The following RILPL1 variants were observed in gnomAD, a reference collection of about 807,000 sequenced individuals.
RILPL1 encodes the protein Rab interacting lysosomal protein like 1.
Under a neutral mutation model 50.3 loss-of-function variants are expected in RILPL1, and 33 were observed. The observed-to-expected ratio is 0.66, with a 90% CI of 0.50 to 0.88. The LOEUF (loss-of-function observed/expected upper bound fraction) is 0.88, where lower values mean the gene tolerates loss of function less well. Among genes scored for constraint, RILPL1 ranks in the 40% least tolerant of loss-of-function variants. The probability of loss-of-function intolerance (pLI) is 0.00; values close to 1 mark genes in which losing one functional copy is unlikely to be tolerated. For missense variants in RILPL1, 418 were observed against 542.5 expected (o/e 0.77, Z 2.28); for synonymous variants, 205 against 228.6 (o/e 0.90, Z 0.93).
intron 4 of RILPL1, among the ~76,000 whole-genome samples, chr12:123,495,823 G>T (rs570024920): frequency 1.3e-5 from 2 of 151,038 alleles, no homozygotes; most frequent in African/African-American, 4.9e-5. Flanking sequence ...TGGGACTACA[G>T]GCGCACACCA....
At chr12:123,532,267 T>C (rs77932402) in intron 1 of RILPL1, among the ~76,000 whole-genome samples, 2,992 of 152,338 alleles carry the variant, frequency 0.02, 118 homozygotes, top group African/African-American at 0.068. Flanking sequence ...TGGCTGAGGT[T>C]AGGGCAGGAA....
chr12:123,517,515 G>A (rs888151700), intron 2 of RILPL1, among the ~76,000 whole-genome samples: 23 of 149,480 alleles, frequency 1.5e-4, no homozygotes, highest in African/African-American at 4.9e-4. Flanking sequence ...TCCGCTTTCC[G>A]GGCTCAAGCA....
chr12:123,500,803 G>A (rs146682737), intron 2 of RILPL1, among the ~76,000 whole-genome samples: 570 of 152,140 alleles, frequency 3.7e-3, no homozygotes, highest in Non-Finnish European at 6.7e-3. Flanking sequence ...ACAGAGAAAG[G>A]TTCTCTAAAA....
Position 123,511,132 on chromosome 12 carries a change from G to A in RILPL1, c.461-11596C>T, listed in dbSNP as rs62648241. Among the ~76,000 whole-genome samples, 44 of 62,188 alleles carry A rather than the reference G, an allele frequency of 7.1e-4. 2 individuals carry two copies. Among genetic ancestry groups the A allele is most frequent in the East Asian group, 2.5e-3 (4 of 1,614 alleles). 40.8% of individuals were successfully genotyped at this position (62,188 alleles called of 152,430 possible). A position where few individuals can be genotyped will look rare whatever the true frequency, so the allele number is the denominator to read the frequency against. The stretch of plus-strand genomic sequence containing the variant: ...TGTGTGTGTGGTGTGTGAGGTCTAT[G>A]TGTGTGTGTGGTGTGTGTGAGGTCT... On this transcript the variant is annotated intron_variant, in intron 2 of 6. Coordinates refer to ENST00000376874, the MANE Select transcript of RILPL1 (RefSeq NM_178314.5).
In RILPL1 at chr12:123,470,938, A is replaced by G. The variant is rs150912639; in HGVS notation, c.*1600T>C. ...TTTGAGAATAAATTCTAATAATTCT[A>G]ATGGGCACTCAGGTTTGAGAAACAC... On this transcript the variant is annotated 3_prime_UTR_variant, in exon 7 of 7. Transcript: ENST00000376874. The G allele has an allele frequency of 2.6e-3, 397 of 152,324 alleles. 5 individuals are homozygous for G. Among genetic ancestry groups the G allele is most frequent in the African/African-American group, 8.8e-3 (367 of 41,570 alleles). 9.4% of individuals were successfully genotyped at this position (152,324 alleles called of 1,614,324 possible). A position where few individuals can be genotyped will look rare whatever the true frequency, so the allele number is the denominator to read the frequency against.
Position 123,499,476 on chromosome 12 carries a change from C to T in RILPL1, c.521G>A (p.Arg174His). The change falls in exon 3 of 7, where the codon CGC becomes CAC. Residue 174 changes from arginine to histidine, a missense_variant. Transcript: ENST00000376874. ...CCTGTCCTTGGCGCGGATCTCGTCG[C>T]GTTGTTTGTCCACCACCTCCTTCAG... is the stretch of plus-strand genomic sequence containing the variant. ...KKLKEVVDKQ[R>H]DEIRAKDREL... 1 of 1,613,960 alleles carries T rather than the reference C, an allele frequency of 6.2e-7. No individual in the cohort carries two copies. Among genetic ancestry groups the T allele is most frequent in the Non-Finnish European group, 8.5e-7 (1 of 1,179,878 alleles).
rs1224788882 is a variant in RILPL1 at position 123,474,887 on chromosome 12, C to T, written c.1068-2205G>A. The T allele has an allele frequency of 3.3e-5, 5 of 152,176 alleles. No homozygotes were observed. The South Asian group carries it at 1.0e-3, about 31-fold the overall frequency. 9.4% of individuals were successfully genotyped at this position (152,176 alleles called of 1,614,324 possible). A position where few individuals can be genotyped will look rare whatever the true frequency, so the allele number is the denominator to read the frequency against. Reference sequence around the variant, plus strand: ...TCACATCTGGGTGAAAATGATTTCACTCTTCTGTGGTTACTGGATCCTACA... The same window carrying T: ...TCACATCTGGGTGAAAATGATTTCATTCTTCTGTGGTTACTGGATCCTACA... On this transcript the variant is annotated intron_variant, in intron 6 of 6. Coordinates refer to ENST00000376874, the MANE Select transcript of RILPL1 (RefSeq NM_178314.5).
Position 123,485,276 on chromosome 12 carries a change from G to A in RILPL1, c.974+357C>T. On this transcript the variant is annotated intron_variant, in intron 5 of 6. Transcript: ENST00000376874. This position sits in a 1 kb window ranked among gnomAD's most constrained non-coding sequence, Gnocchi z 4.0. Reference sequence around the variant, plus strand: ...CAGGATAATGTAGGAGGTGAAAAGGGCCACATAGACCATTAACACCGGGGC... The same window carrying A: ...CAGGATAATGTAGGAGGTGAAAAGGACCACATAGACCATTAACACCGGGGC... 6.4e-6 allele frequency: 3 copies of A among 465,386 alleles called. No individual in the cohort carries two copies. The highest frequency in any genetic ancestry group is 4.6e-5 in the South Asian group (3 of 64,560). The allele number at this position is 465,386 out of a possible 1,614,324, so 28.8% of individuals were successfully genotyped here.
At chr12:123,486,088 C>T (rs1350011512) in intron 4 of RILPL1, among the ~76,000 whole-genome samples, 1 of 152,172 alleles carries the variant, frequency 6.6e-6, no homozygotes, top group Non-Finnish European at 1.5e-5. Flanking sequence ...CATGACAAGG[C>T]ATCCAGGGAG....
At chr12:123,480,044 G>A (rs1247221044) in intron 6 of RILPL1, among the ~76,000 whole-genome samples, 1 of 151,958 alleles carries the variant, frequency 6.6e-6, no homozygotes, top group Non-Finnish European at 1.5e-5. Flanking sequence ...GAAAATTACA[G>A]TTAGAAAAAC....
chr12:123,485,168 T>C lies in RILPL1; in HGVS notation c.974+465A>G, dbSNP rs1178720867. On this transcript the variant is annotated intron_variant, in intron 5 of 6. Coordinates refer to ENST00000376874, the MANE Select transcript of RILPL1 (RefSeq NM_178314.5). The surrounding 1 kb of genome is among the most constrained non-coding windows in gnomAD (Gnocchi z 4.0). ...ATTCTAAGTGCTGGGAACTTAGCCA[T>C]GGACAAGATAAATAAGACTTCTGGT... 4 of 456,422 alleles carry C rather than the reference T, an allele frequency of 8.8e-6. No individual in the cohort carries two copies. The highest frequency in any genetic ancestry group is 4.6e-5 in the South Asian group (3 of 64,562). 28.3% of individuals were successfully genotyped at this position (456,422 alleles called of 1,614,324 possible).
chr12:123,519,069 A>G (rs942055183), intron 2 of RILPL1, among the ~76,000 whole-genome samples: 2 of 149,236 alleles, frequency 1.3e-5, no homozygotes, highest in African/African-American at 2.4e-5. Flanking sequence ...AAAAAAAAAA[A>G]AAAAAGAAAA....
intron 2 of RILPL1, among the ~76,000 whole-genome samples, chr12:123,515,709 C>G (rs1184480060): frequency 2.0e-5 from 3 of 151,330 alleles, no homozygotes; most frequent in Non-Finnish European, 4.4e-5. Context: ...CTCAGCCTCC[C>G]AAAGTGTTGG....
Position 123,499,556 on chromosome 12 carries a change from CGGCA to C in RILPL1, c.461-24_461-21del. 6.4e-7 allele frequency: 1 copy of C among 1,572,580 alleles called. No homozygotes were observed. Among genetic ancestry groups the C allele is most frequent in the Non-Finnish European group, 8.8e-7 (1 of 1,142,804 alleles). ...ACATGCCTGGGTGGGCAAGTGAGACCGGCAGGTGAGCCCGCCTTACTCCTATGTT... is the reference window on the plus strand; with the variant it reads ...ACATGCCTGGGTGGGCAAGTGAGACCGGTGAGCCCGCCTTACTCCTATGTT... On this transcript the variant is annotated intron_variant, in intron 2 of 6. Transcript: ENST00000376874.
chr12:123,503,873 C>A (rs1241787055), intron 2 of RILPL1, among the ~76,000 whole-genome samples: 2 of 151,294 alleles, frequency 1.3e-5, no homozygotes, highest in Non-Finnish European at 2.9e-5. Context: ...TGGTGGTGCA[C>A]GCCTGTAATC....
intron 2 of RILPL1, among the ~76,000 whole-genome samples, chr12:123,508,323 G>A (rs1399605997): frequency 6.6e-6 from 1 of 152,180 alleles, no homozygotes; most frequent in African/African-American, 2.4e-5. Context: ...GAGTTAGGGA[G>A]TTCGAGGCTG....
chr12:123,495,943 C>T (rs372284090), intron 4 of RILPL1, among the ~76,000 whole-genome samples: 3 of 151,640 alleles, frequency 2.0e-5, no homozygotes, highest in Non-Finnish European at 4.4e-5. Flanking sequence ...GGCCTCCCAA[C>T]TCTTAAACCA....
chr12:123,518,998 A>G (rs947167441), intron 2 of RILPL1, among the ~76,000 whole-genome samples: 11 of 142,600 alleles, frequency 7.7e-5, no homozygotes, highest in African/African-American at 2.9e-4. Flanking sequence ...TGGAGGTTGC[A>G]GTGAGCCGAG....
rs1302427931 is a variant in RILPL1, at chr12:123,489,631, T to C, written c.802-3826A>G. ...GTGAGCTGACACGGTGCCACTGTAC[T>C]CCAGCCTGGGCGACAGAGCGACAGA... On this transcript the variant is annotated intron_variant, in intron 4 of 6. Coordinates refer to ENST00000376874, the MANE Select transcript of RILPL1 (RefSeq NM_178314.5). This position sits in a 1 kb window ranked among gnomAD's most constrained non-coding sequence, Gnocchi z 4.0. 1.3e-5 allele frequency among the ~76,000 whole-genome samples: 2 copies of C among 151,128 alleles called. No individual in the cohort carries two copies. Among genetic ancestry groups the C allele is most frequent in the African/African-American group, 2.4e-5 (1 of 41,012 alleles).
Sources: gnomAD v4.1 joint callset for allele counts (sites outside exome capture counted in the v4.1 genomes callset) on GRCh38, gnomAD v4.1.1 for gene constraint, Gnocchi (gnomAD v3.1) non-coding constraint, MANE v1.5 for transcripts, NCBI Gene and HGNC (gene_info 2026-07-23, HGNC 2026-07-21) for gene names.